Variants in BNIP5 observed in about 807,000 individuals in gnomAD.
BNIP5 encodes the protein BCL2 interacting protein 5.
In BNIP5, 61 loss-of-function variants were observed where a neutral mutation model predicts 67.3. That is an observed-to-expected ratio of 0.91 (90% CI 0.74 to 1.12). The LOEUF is 1.12. Among genes scored for constraint, BNIP5 ranks in the 50% most tolerant of loss-of-function variants. The pLI is 0.00. For synonymous variants in BNIP5, 317 were observed against 319.0 expected, an observed-to-expected ratio of 0.99 and a Z score of 0.07; for missense variants, 826 against 816.3, an observed-to-expected ratio of 1.01 and a Z score of -0.14.
rs755528765 is a variant in BNIP5 at position 36,323,530 on chromosome 6, G to A, written c.1234C>T (p.Pro412Ser). 6.2e-7 allele frequency: 1 copy of A among 1,614,096 alleles called. No homozygotes were observed. Residue 412 changes from proline to serine, a missense_variant, in exon 8 of 12, where the codon CCT becomes TCT. By Grantham distance (74) the Pro-to-Ser change is moderately conservative. Coordinates refer to ENST00000437635, the MANE Select transcript of BNIP5 (RefSeq NM_001010903.5). ...CCCACCTCTTCCTGCTGGACTTGAGGTTGCTGTGGGGGAGATGAGAGAAAC... is the reference window on the plus strand; with the variant it reads ...CCCACCTCTTCCTGCTGGACTTGAGATTGCTGTGGGGGAGATGAGAGAAAC... Reference protein sequence around the residue: ...DAEEQQGEEQPQVQQEEVGVE... With the variant: ...DAEEQQGEEQSQVQQEEVGVE...
chr6:36,316,254 C>T lies in BNIP5; in HGVS notation c.*1102G>A, dbSNP rs901305285. On this transcript the variant is annotated 3_prime_UTR_variant, in exon 12 of 12. Transcript: ENST00000437635. ...TTCCCCCATGACCACATGTTCTGGGCAGTGTCCAAGGGAGCCGACTGTCTG... is the reference window on the plus strand; with the variant it reads ...TTCCCCCATGACCACATGTTCTGGGTAGTGTCCAAGGGAGCCGACTGTCTG... 8.4e-6 allele frequency: 3 copies of T among 358,662 alleles called. No individual in the cohort carries two copies. Among genetic ancestry groups the T allele is most frequent in the Non-Finnish European group, 1.5e-5 (3 of 201,042 alleles). The allele number at this position is 358,662 out of a possible 1,614,324, so 22.2% of individuals were successfully genotyped here. A position where few individuals can be genotyped will look rare whatever the true frequency, so the allele number is the denominator to read the frequency against.
At position 36,316,252 on chromosome 6, in the gene BNIP5, G is replaced by C; in HGVS notation, c.*1104C>G. On this transcript the variant is annotated 3_prime_UTR_variant, in exon 12 of 12. Coordinates refer to ENST00000437635, the MANE Select transcript of BNIP5 (RefSeq NM_001010903.5). ...CTTTCCCCCATGACCACATGTTCTG[G>C]GCAGTGTCCAAGGGAGCCGACTGTC... 2.8e-6 allele frequency: 1 copy of C among 357,766 alleles called. No individual in the cohort carries two copies. The highest frequency in any genetic ancestry group is 4.7e-5 in the Admixed American group (1 of 21,300). 22.2% of individuals were successfully genotyped at this position (357,766 alleles called of 1,614,324 possible).
rs763352565 is a variant in BNIP5, at chr6:36,328,619, C to T, written c.706G>A (p.Glu236Lys). Residue 236 changes from glutamate to lysine, a missense_variant, in exon 3 of 12, where the codon GAG (glutamate) becomes AAG (lysine). Coordinates refer to ENST00000437635, the MANE Select transcript of BNIP5 (RefSeq NM_001010903.5). ...TCACGGTCAGGCTTTTTGAGCTCCT[C>T]TTCTTGCTGATGACCTGTGGCATGG... Reference protein sequence around the residue: ...SPHATGHQQEEELKKPDQDAI... With the variant: ...SPHATGHQQEKELKKPDQDAI... 5 of 1,613,610 alleles carry T rather than the reference C, an allele frequency of 3.1e-6. No homozygotes were observed. In the South Asian group the frequency reaches 4.4e-5, roughly 14 times the overall value.
chr6:36,323,367 G>T lies in BNIP5; in HGVS notation c.1397C>A (p.Ala466Asp), dbSNP rs1388493929. 6.2e-7 allele frequency: 1 copy of T among 1,614,168 alleles called. No individual in the cohort carries two copies. Among genetic ancestry groups the T allele is most frequent in the East Asian group, 2.2e-5 (1 of 44,900 alleles). The change falls in exon 8 of 12, where the codon GCC (alanine) becomes GAC (aspartate). Residue 466 changes from alanine (A) to aspartate (D), a missense_variant. Physicochemically the swap from Ala to Asp is moderately radical, Grantham distance 126. Coordinates refer to ENST00000437635, the MANE Select transcript of BNIP5 (RefSeq NM_001010903.5). ...AAAGCTGGGCCTCTTGGGTCGTCGGGCCTCTGGGCTGGCAGCCCCTGCTGC... is the reference window on the plus strand; with the variant it reads ...AAAGCTGGGCCTCTTGGGTCGTCGGTCCTCTGGGCTGGCAGCCCCTGCTGC... ...AGAAGAASPEARRPKRPSFLP... is the reference protein window; with the variant it reads ...AGAAGAASPEDRRPKRPSFLP...
In BNIP5 at chr6:36,327,048, T is replaced by C; in HGVS notation, c.774A>G (p.Gly258=). The C allele has an allele frequency of 6.2e-7, 1 of 1,614,126 alleles. No individual in the cohort carries two copies. The highest frequency in any genetic ancestry group is 8.5e-7 in the Non-Finnish European group (1 of 1,179,954). ...TCCTCACCTCTTCTTCCCACTGGTCTCCCACTCTTTTGAGCAATTCCACTA... is the reference window on the plus strand; with the variant it reads ...TCCTCACCTCTTCTTCCCACTGGTCCCCCACTCTTTTGAGCAATTCCACTA... The part of the protein sequence containing the change: ...QMIVELLKRV[G]DQWEEEQSLA... The change falls in exon 4 of 12, where the codon GGA becomes GGG. Residue 258 remains glycine (G), a synonymous_variant. Transcript: ENST00000437635.
At chr6:36,327,991 T>G (rs1486277749) in intron 3 of BNIP5, among the ~76,000 whole-genome samples, 1 of 152,256 alleles carries the variant, frequency 6.6e-6, no homozygotes, top group Non-Finnish European at 1.5e-5. Flanking sequence ...CTTTGACATA[T>G]GCATAGCTCC....
chr6:36,316,173 A>G lies in BNIP5; in HGVS notation c.*1183T>C. 4.7e-6 allele frequency: 1 copy of G among 214,294 alleles called. No individual in the cohort carries two copies. The allele number at this position is 214,294 out of a possible 1,614,324, so 13.3% of individuals were successfully genotyped here. A position where few individuals can be genotyped will look rare whatever the true frequency, so the allele number is the denominator to read the frequency against. Reference sequence around the variant, plus strand: ...GGTGCGACAGCAGGTTCAACACGGCAATACCATGTCCCCAAGGGTCACAAG... The same window carrying G: ...GGTGCGACAGCAGGTTCAACACGGCGATACCATGTCCCCAAGGGTCACAAG... On this transcript the variant is annotated 3_prime_UTR_variant, in exon 12 of 12. Coordinates refer to ENST00000437635, the MANE Select transcript of BNIP5 (RefSeq NM_001010903.5).
Position 36,330,192 on chromosome 6 carries a change from C to G in BNIP5, c.499G>C (p.Glu167Gln). 1 of 1,614,100 alleles carries G rather than the reference C, an allele frequency of 6.2e-7. No homozygotes were observed. Among genetic ancestry groups the G allele is most frequent in the Non-Finnish European group, 8.5e-7 (1 of 1,180,032 alleles). Residue 167 changes from glutamate to glutamine, a missense_variant, in exon 2 of 12, where the codon GAG becomes CAG. By Grantham distance (29) the Glu-to-Gln change is conservative. Coordinates refer to ENST00000437635, the MANE Select transcript of BNIP5 (RefSeq NM_001010903.5). ...KKQGHKKHAA[E>Q]VTKAAQDQEA... ...TGGTCTTGAGCTGCCTTAGTCACCT[C>G]GGCCGCGTGTTTCTTGTGACCTTGC...
At position 36,334,995 on chromosome 6, in the gene BNIP5, A is replaced by G. The variant is rs12110350; in HGVS notation, c.-5+1717T>C. 9.5e-3 allele frequency among the ~76,000 whole-genome samples: 1,450 copies of G among 152,324 alleles called. 23 individuals carry two copies. The highest frequency in any genetic ancestry group is 0.054 in the South Asian group (262 of 4,826). ...CTTGGCCGAAAGTGGATGTCAGAGC[A>G]AAGTCCAAATCAGCTCAGAAATACC... On this transcript the variant is annotated intron_variant, in intron 1 of 11. Transcript: ENST00000437635.
intron 10 of BNIP5, among the ~76,000 whole-genome samples, chr6:36,319,935 T>A (rs866885759): frequency 9.2e-5 from 14 of 152,230 alleles, no homozygotes; most frequent in Non-Finnish European, 1.8e-4. Flanking sequence ...TTTAAATGTA[T>A]AACAGTCTAG....
chr6:36,336,452 T>G (rs1772018431), intron 1 of BNIP5, among the ~76,000 whole-genome samples: 1 of 151,538 alleles, frequency 6.6e-6, no homozygotes, highest in South Asian at 2.1e-4. Context: ...GAATACAGAG[T>G]TTTAAGTCCG....
In BNIP5 at chr6:36,317,359, A is replaced by G; in HGVS notation, c.1956T>C (p.Asp652=). Residue 652 remains aspartate (D), a synonymous_variant, in exon 12 of 12, where the codon GAT becomes GAC. Transcript: ENST00000437635. ...ATTTGAGTGCAAGACACAGCTTTCAATCTGGACTTTCAACCTTAGGACTTG... is the reference window on the plus strand; with the variant it reads ...ATTTGAGTGCAAGACACAGCTTTCAGTCTGGACTTTCAACCTTAGGACTTG... ...NITSPKVESP[D] The G allele has an allele frequency of 1.9e-6, 3 of 1,613,414 alleles. No homozygotes were observed. Among genetic ancestry groups the G allele is most frequent in the East Asian group, 4.5e-5 (2 of 44,880 alleles).
intron 1 of BNIP5, among the ~76,000 whole-genome samples, chr6:36,331,871 G>C (rs774588220): frequency 1.3e-5 from 2 of 151,844 alleles, no homozygotes; most frequent in Non-Finnish European, 2.9e-5. Context: ...AGCAGAGCCT[G>C]TTGGCCTCAC....
In BNIP5 at chr6:36,321,259, G is replaced by A. The variant is rs1242356630; in HGVS notation, c.1604-40C>T. 2.1e-6 allele frequency: 3 copies of A among 1,441,500 alleles called. No individual in the cohort carries two copies. In the Admixed American group the frequency reaches 5.7e-5, roughly 27 times the overall value. The allele number at this position is 1,441,500 out of a possible 1,614,324, so 89.3% of individuals were successfully genotyped here. On this transcript the variant is annotated intron_variant, in intron 9 of 11. Coordinates refer to ENST00000437635, the MANE Select transcript of BNIP5 (RefSeq NM_001010903.5). ...GGAGGATTGAGTGACTGTTGACTGG[G>A]TGATGCCCAGTTCCCTTCCAAAAAC...
chr6:36,332,813 A>G (rs1184326562), intron 1 of BNIP5, among the ~76,000 whole-genome samples: 1 of 152,184 alleles, frequency 6.6e-6, no homozygotes, highest in Non-Finnish European at 1.5e-5. Flanking sequence ...CAATTTTTCC[A>G]GAGTTGTTCA....
intron 10 of BNIP5, among the ~76,000 whole-genome samples, chr6:36,320,800 GGGT>G (rs933862345): frequency 7.2e-5 from 11 of 152,320 alleles, no homozygotes; most frequent in African/African-American, 1.9e-4. Flanking sequence ...TCAGCCGGGC[GGGT>G]GGGGCCAGGA....
intron 2 of BNIP5, 116 bp from the exon 3 acceptor site, chr6:36,328,830 G>GCACCTGTTGCACT: frequency 1.4e-6 from 1 of 735,926 alleles, no homozygotes; most frequent in Non-Finnish European, 2.5e-6. Flanking sequence ...CAGTGCAACA[G>GCACCTGTTGCACT]GTGCTGCTGC....
Position 36,336,864 on chromosome 6 carries a change from T to C in BNIP5, c.-157A>G, listed in dbSNP as rs1338978350. 1 of 152,198 alleles carries C rather than the reference T, an allele frequency of 6.6e-6. No individual in the cohort carries two copies. The highest frequency in any genetic ancestry group is 1.5e-5 in the Non-Finnish European group (1 of 68,068). 9.4% of individuals were successfully genotyped at this position (152,198 alleles called of 1,614,324 possible). On this transcript the variant is annotated 5_prime_UTR_variant, in exon 1 of 12. Coordinates refer to ENST00000437635, the MANE Select transcript of BNIP5 (RefSeq NM_001010903.5). ...TCCCAGGGAGAAGATGCCACTACTT[T>C]GGTGCTGGCAATTTTCTGAGTGTCT...
chr6:36,333,140 G>A (rs1173599486), intron 1 of BNIP5, among the ~76,000 whole-genome samples: 1 of 152,212 alleles, frequency 6.6e-6, no homozygotes, highest in Non-Finnish European at 1.5e-5. Context: ...ATATTTGAAG[G>A]TGACACGAAC....
Sources: gnomAD v4.1 joint callset for allele counts (sites outside exome capture counted in the v4.1 genomes callset) on GRCh38, gnomAD v4.1.1 for gene constraint, MANE v1.5 for transcripts, NCBI Gene and HGNC (gene_info 2026-07-23, HGNC 2026-07-21) for gene names.